SCFD2: variants seen among roughly 807,000 people sequenced by gnomAD.
SCFD2 encodes sec1 family domain-containing protein 2.
A neutral mutation model predicts 58.9 loss-of-function variants in SCFD2; 54 were observed. The observed-to-expected ratio is 0.92, with a 90% CI of 0.74 to 1.15. The LOEUF is 1.15. Ranked by LOEUF, SCFD2 falls within the 50% of genes most tolerant of loss-of-function variation. The pLI is 0.00. For synonymous variants in SCFD2, 321 were observed against 335.9 expected, an observed-to-expected ratio of 0.96 and a Z score of 0.49; for missense variants, 805 against 836.6, an observed-to-expected ratio of 0.96 and a Z score of 0.47.
chr4:53,287,610 C>T (rs1396910054), intron 3 of SCFD2, among the ~76,000 whole-genome samples: 2 of 152,170 alleles, frequency 1.3e-5, no homozygotes, highest in African/African-American at 4.8e-5. Flanking sequence ...AAAAGCCACT[C>T]TATAAATTGG....
At chr4:53,330,859 T>G (rs1733430859) in intron 2 of SCFD2, among the ~76,000 whole-genome samples, 1 of 151,986 alleles carries the variant, frequency 6.6e-6, no homozygotes, top group Admixed American at 6.6e-5. Flanking sequence ...CCATCTCACG[T>G]GCAGAGACAC....
intron 4 of SCFD2, among the ~76,000 whole-genome samples, chr4:53,199,060 T>C (rs1426155583): frequency 2.0e-5 from 3 of 152,082 alleles, no homozygotes; most frequent in Non-Finnish European, 4.4e-5. Context: ...CTAATTAGTT[T>C]CTCACCAACC....
chr4:53,302,200 A>C (rs1348847938), intron 3 of SCFD2, among the ~76,000 whole-genome samples: 1 of 152,106 alleles, frequency 6.6e-6, no homozygotes, highest in East Asian at 1.9e-4. Context: ...TATCTAGAAA[A>C]CCCATCATCT....
intron 2 of SCFD2, among the ~76,000 whole-genome samples, chr4:53,334,054 C>G (rs903390941): frequency 1.3e-5 from 2 of 152,020 alleles, no homozygotes; most frequent in Non-Finnish European, 2.9e-5. Flanking sequence ...CAATGAGATA[C>G]CATCTCACAA....
intron 5 of SCFD2, among the ~76,000 whole-genome samples, chr4:52,979,059 T>TG (rs1721313846): frequency 7.8e-6 from 1 of 128,360 alleles, no homozygotes; most frequent in South Asian, 2.9e-4. Flanking sequence ...ACACCAGGCC[T>TG]TTTTTTGGGG....
chr4:53,263,308 G>A (rs1730882361), intron 4 of SCFD2, among the ~76,000 whole-genome samples: 1 of 152,050 alleles, frequency 6.6e-6, no homozygotes, highest in Admixed American at 6.6e-5. Flanking sequence ...GATCTTTTGG[G>A]GCTGTTAAAG....
At chr4:53,289,685 TG>T (rs1731778108) in intron 3 of SCFD2, among the ~76,000 whole-genome samples, 2 of 152,088 alleles carry the variant, frequency 1.3e-5, no homozygotes, top group Non-Finnish European at 2.9e-5. Flanking sequence ...ATAGAGTGGC[TG>T]AATGGAAAAC....
At chr4:53,291,274 T>C (rs533933443) in intron 3 of SCFD2, among the ~76,000 whole-genome samples, 1 of 152,124 alleles carries the variant, frequency 6.6e-6, no homozygotes, top group South Asian at 2.1e-4. Flanking sequence ...ATCCCTGGCA[T>C]GTAAGGCTAC....
Position 52,893,410 on chromosome 4 carries a change from C to T in SCFD2, c.1843-7544G>A, listed in dbSNP as rs183814661. On this transcript the variant is annotated intron_variant, in intron 7 of 8. Transcript: ENST00000401642. ...AACAATGTGGAATGGGACTAGATGA[C>T]CTCCAAGGCATGTTCAGCTCTCACC... Among the ~76,000 whole-genome samples, 11 of 152,272 alleles carry T rather than the reference C, an allele frequency of 7.2e-5. No individual in the cohort carries two copies. In the East Asian group the frequency reaches 2.1e-3, roughly 29 times the overall value.
chr4:53,090,776 G>A (rs1724445580), intron 5 of SCFD2, among the ~76,000 whole-genome samples: 1 of 152,100 alleles, frequency 6.6e-6, no homozygotes, highest in South Asian at 2.1e-4. Context: ...TAATAATTAT[G>A]GAGCACTGAA....
At chr4:53,202,122 T>A (rs1035656822) in intron 4 of SCFD2, among the ~76,000 whole-genome samples, 27 of 152,182 alleles carry the variant, frequency 1.8e-4, no homozygotes, top group Non-Finnish European at 3.2e-4. Flanking sequence ...CTGAATGGTA[T>A]TGCCTAGGTT....
At chr4:53,240,223 T>C (rs1729851691) in intron 4 of SCFD2, among the ~76,000 whole-genome samples, 1 of 152,152 alleles carries the variant, frequency 6.6e-6, no homozygotes, top group South Asian at 2.1e-4. Flanking sequence ...CCTCTTACCT[T>C]CAAAAATCCC....
chr4:53,063,792 C>T (rs770910003), intron 5 of SCFD2, among the ~76,000 whole-genome samples: 3 of 152,090 alleles, frequency 2.0e-5, no homozygotes, highest in African/African-American at 4.8e-5. Context: ...TAGATTCACT[C>T]GATTAAAGTA....
intron 3 of SCFD2, among the ~76,000 whole-genome samples, chr4:53,293,817 G>A (rs1731927061): frequency 6.6e-6 from 1 of 151,926 alleles, no homozygotes; most frequent in South Asian, 2.1e-4. Context: ...GTGCCATGGT[G>A]GTTTGCTGCA....
At position 53,009,614 on chromosome 4, in the gene SCFD2, G is replaced by A. The variant is rs115069280; in HGVS notation, c.1562-88744C>T. 3.0e-3 allele frequency among the ~76,000 whole-genome samples: 459 copies of A among 152,232 alleles called. 4 individuals are homozygous for A. Among genetic ancestry groups the A allele is most frequent in the Non-Finnish European group, 5.2e-3 (353 of 68,010 alleles). ...TGATTATGGCTTTCCCTTCGTTCTC[G>A]TAATTCTGAGACTTAGTGCTGACCT... On this transcript the variant is annotated intron_variant, in intron 5 of 8. Coordinates refer to ENST00000401642, the MANE Select transcript of SCFD2 (RefSeq NM_152540.4).
rs1732614305 is a variant in SCFD2, at chr4:53,309,294, T to C, written c.1135+4342A>G. 2.6e-5 allele frequency among the ~76,000 whole-genome samples: 4 copies of C among 152,202 alleles called. 1 individual carries two copies. The South Asian group carries it at 8.3e-4, about 31-fold the overall frequency. On this transcript the variant is annotated intron_variant, in intron 3 of 8. Transcript: ENST00000401642. The stretch of plus-strand genomic sequence containing the variant: ...CTAGAAGTAAAAAGTAGGAAAGGCT[T>C]GTCTTTTCCCAAATGGTTGAAAGAA...
chr4:53,202,322 G>A (rs1728270809), intron 4 of SCFD2, among the ~76,000 whole-genome samples: 3 of 152,168 alleles, frequency 2.0e-5, no homozygotes, highest in Non-Finnish European at 2.9e-5. Flanking sequence ...GTTTGTCAAA[G>A]ATCAGATAGC....
chr4:53,114,808 G>A (rs1725274722), intron 5 of SCFD2, among the ~76,000 whole-genome samples: 1 of 152,062 alleles, frequency 6.6e-6, no homozygotes, highest in Non-Finnish European at 1.5e-5. Context: ...TTATCTAATG[G>A]AGTTTTTAAT....
Position 52,907,556 on chromosome 4 carries a change from C to G in SCFD2, c.1743G>C (p.Glu581Asp). ...SYKPLLKQVV[E>D]EIFHPERPDS... ...CTGGCCTCTCGGGATGAAATATTTC[C>G]TCCACAACTTGCTTCAACAATGGCT... The change falls in exon 7 of 9, where the codon GAG becomes GAC. Residue 581 changes from glutamate (E) to aspartate (D), a missense_variant. Glu to Asp is a conservative substitution (Grantham distance 45). Around this residue, in one of 3 missense-constraint regions of SCFD2, gnomAD observed 633 missense variants for 646.8 expected, o/e 0.98. Coordinates refer to ENST00000401642, the MANE Select transcript of SCFD2 (RefSeq NM_152540.4). The G allele has an allele frequency of 6.2e-7, 1 of 1,613,704 alleles. No homozygotes were observed. The highest frequency in any genetic ancestry group is 8.5e-7 in the Non-Finnish European group (1 of 1,179,706).
Sources: gnomAD v4.1 joint callset for allele counts (sites outside exome capture counted in the v4.1 genomes callset) on GRCh38, gnomAD v4.1.1 for gene constraint, gnomAD v4.1.1 regional missense constraint, MANE v1.5 for transcripts, NCBI Gene and HGNC (gene_info 2026-07-23, HGNC 2026-07-21) for gene names.